The following EPB41L4B variants were observed in gnomAD, a reference collection of about 807,000 sequenced individuals.
The protein encoded by EPB41L4B is band 4.1-like protein 4B.
EPB41L4B carries 30 observed loss-of-function variants against 112.5 expected under a neutral mutation model. The observed-to-expected ratio is 0.27, with a 90% CI of 0.20 to 0.36. EPB41L4B has a LOEUF of 0.36. EPB41L4B is among the 10% of genes least tolerant of loss of function. EPB41L4B has a pLI of 1.00. For synonymous variants in EPB41L4B, 408 were observed against 439.7 expected (o/e 0.93, Z 0.90); for missense variants, 1,024 against 1,133.3 (o/e 0.90, Z 1.38).
chr9:109,268,470 C>A, intron 2 of EPB41L4B, 37 bp from the exon 3 acceptor site: 1 of 1,587,224 alleles, frequency 6.3e-7, no homozygotes, highest in Non-Finnish European at 8.6e-7. Flanking sequence ...AGGAATAGTT[C>A]ATCAGCAAGG....
chr9:109,311,533 C>T (rs1014417446), intron 1 of EPB41L4B, among the ~76,000 whole-genome samples: 5 of 152,230 alleles, frequency 3.3e-5, no homozygotes, highest in Non-Finnish European at 5.9e-5. Flanking sequence ...GGGATATCAT[C>T]TTCCAGTTCT....
chr9:109,284,202 T>C (rs1359873438), intron 1 of EPB41L4B, among the ~76,000 whole-genome samples: 3 of 152,328 alleles, frequency 2.0e-5, no homozygotes, highest in East Asian at 3.9e-4. Flanking sequence ...TATTGTATGA[T>C]AAAGTATTGA....
chr9:109,313,911 T>G (rs1486984611), intron 1 of EPB41L4B, among the ~76,000 whole-genome samples: 1 of 152,254 alleles, frequency 6.6e-6, no homozygotes, highest in South Asian at 2.1e-4. Context: ...AAAGCACAGA[T>G]GAATGCGCAC....
rs144325998 is a variant in EPB41L4B, at chr9:109,256,451, G to A, written c.782C>T (p.Ser261Phe). 1 of 1,614,198 alleles carries A rather than the reference G, an allele frequency of 6.2e-7. No individual in the cohort carries two copies. The highest frequency in any genetic ancestry group is 2.2e-5 in the East Asian group (1 of 44,882). The part of the protein sequence containing the change: ...RGKSPAQAEL[S>F]YLNKAKWLEM... ...CAGCCACTTCGCTTTATTCAGATAG[G>A]AGAGTTCCGCCTGGGCAGGGCTCTT... is the stretch of plus-strand genomic sequence containing the variant. Residue 261 changes from serine to phenylalanine, a missense_variant, in exon 8 of 26, where the codon TCC (serine) becomes TTC (phenylalanine). Transcript: ENST00000374566.
chr9:109,256,555 TA>T, intron 7 of EPB41L4B, 75 bp from the exon 8 acceptor site: 1 of 1,226,174 alleles, frequency 8.2e-7, no homozygotes, highest in Non-Finnish European at 1.2e-6. Flanking sequence ...ACGGCCTTAC[TA>T]TGGAACGTTA....
rs975697722 is a variant in EPB41L4B, at chr9:109,267,648, T to C, written c.455-97A>G. On this transcript the variant is annotated intron_variant, in intron 3 of 25. Transcript: ENST00000374566. ...GAAAGCACGTTAAATCTATAACATT[T>C]AGCACAACATCAGGACAGCATAACT... is the stretch of plus-strand genomic sequence containing the variant. The C allele has an allele frequency of 5.0e-6, 4 of 794,510 alleles. No individual in the cohort carries two copies. The Admixed American group carries it at 5.8e-5, about 12-fold the overall frequency. The allele number at this position is 794,510 out of a possible 1,614,324, so 49.2% of individuals were successfully genotyped here. A position where few individuals can be genotyped will look rare whatever the true frequency, so the allele number is the denominator to read the frequency against.
At position 109,174,488 on chromosome 9, in the gene EPB41L4B, C is replaced by T. The variant is rs1444765219; in HGVS notation, c.*66G>A. The T allele has an allele frequency of 1.4e-6, 2 of 1,470,888 alleles. No individual in the cohort carries two copies. Among genetic ancestry groups the T allele is most frequent in the African/African-American group, 2.8e-5 (2 of 72,054 alleles). The allele number at this position is 1,470,888 out of a possible 1,614,324, so 91.1% of individuals were successfully genotyped here. A position where few individuals can be genotyped will look rare whatever the true frequency, so the allele number is the denominator to read the frequency against. ...TGTATGCTGTGCTAGAGTGAGCACA[C>T]AAAGCCCGAAGAAAGAAGACGGACA... On this transcript the variant is annotated 3_prime_UTR_variant, in exon 26 of 26. Coordinates refer to ENST00000374566, the MANE Select transcript of EPB41L4B (RefSeq NM_019114.5).
At chr9:109,241,039 GCTT>G (rs1490007101) in intron 15 of EPB41L4B, 5 of 985,008 alleles carry the variant, frequency 5.1e-6, no homozygotes, top group African/African-American at 3.5e-5. Flanking sequence ...ACTTTATTTA[GCTT>G]CTGAAAGGAG....
At chr9:109,301,490 T>C (rs1013730819) in intron 1 of EPB41L4B, among the ~76,000 whole-genome samples, 1 of 152,162 alleles carries the variant, frequency 6.6e-6, no homozygotes, top group Non-Finnish European at 1.5e-5. Flanking sequence ...AGAAAGTTCC[T>C]GGGAGTCCCC....
rs368290034 is a variant in EPB41L4B, at chr9:109,212,105, G to A, written c.1752+1595C>T. 1.7e-4 allele frequency among the ~76,000 whole-genome samples: 26 copies of A among 152,228 alleles called. No individual in the cohort carries two copies. In the East Asian group the frequency reaches 1.7e-3, roughly 10 times the overall value. ...GATAACCCACAGGTGTCTCAGGTAG[G>A]CCTTCACCCAGAGCAAACTGCTGTT... On this transcript the variant is annotated intron_variant, in intron 17 of 25. Coordinates refer to ENST00000374566, the MANE Select transcript of EPB41L4B (RefSeq NM_019114.5).
chr9:109,201,758 G>C (rs776106760), intron 19 of EPB41L4B, among the ~76,000 whole-genome samples: 3 of 152,144 alleles, frequency 2.0e-5, no homozygotes, highest in African/African-American at 4.8e-5. Flanking sequence ...ATCCGGTGAG[G>C]TCTCAGTGGA....
intron 1 of EPB41L4B, among the ~76,000 whole-genome samples, chr9:109,301,879 G>A (rs1836982558): frequency 6.6e-6 from 1 of 152,184 alleles, no homozygotes; most frequent in South Asian, 2.1e-4. Context: ...CCCCAGCGTG[G>A]GAGACTGAGC....
intron 23 of EPB41L4B, among the ~76,000 whole-genome samples, chr9:109,183,016 G>A (rs1041444329): frequency 6.6e-6 from 1 of 152,222 alleles, no homozygotes; most frequent in African/African-American, 2.4e-5. Flanking sequence ...CCTCAGCAGG[G>A]ATGACAGCCT....
intron 6 of EPB41L4B, 35 bp downstream of exon 6, chr9:109,263,015 A>G: frequency 6.8e-7 from 1 of 1,466,148 alleles, no homozygotes; most frequent in Non-Finnish European, 9.4e-7. Flanking sequence ...AAGCAATAAC[A>G]TTAAAATGCT....
Position 109,320,170 on chromosome 9 carries a change from C to G in EPB41L4B, c.277G>C (p.Asp93His). The part of the protein sequence containing the change: ...ATLYCRVFLL[D>H]GTEVSVDLPK... The stretch of plus-strand genomic sequence containing the variant: ...AGGTCCACGCTCACTTCGGTCCCGT[C>G]GAGCAGGAAGACGCGGCAGTAGAGG... The change falls in exon 1 of 26, where the codon GAC becomes CAC. Residue 93 changes from aspartate to histidine, a missense_variant. Coordinates refer to ENST00000374566, the MANE Select transcript of EPB41L4B (RefSeq NM_019114.5). The G allele has an allele frequency of 1.3e-6, 2 of 1,483,296 alleles. No individual in the cohort carries two copies. Among genetic ancestry groups the G allele is most frequent in the Non-Finnish European group, 1.8e-6 (2 of 1,114,078 alleles). The allele number at this position is 1,483,296 out of a possible 1,614,324, so 91.9% of individuals were successfully genotyped here.
intron 15 of EPB41L4B, among the ~76,000 whole-genome samples, chr9:109,231,993 T>C (rs1218383568): frequency 2.0e-5 from 3 of 151,968 alleles, no homozygotes; most frequent in East Asian, 1.9e-4. Context: ...CTTTCCATTC[T>C]GGGTTTCTTT....
intron 11 of EPB41L4B, 58 bp from the exon 12 acceptor site, chr9:109,253,608 G>T: frequency 9.1e-7 from 1 of 1,097,720 alleles, no homozygotes; most frequent in Non-Finnish European, 1.4e-6. Context: ...TACATTACCT[G>T]TTTTTGAAAG....
At chr9:109,289,248 C>T (rs764204277) in intron 1 of EPB41L4B, among the ~76,000 whole-genome samples, 97 of 152,292 alleles carry the variant, frequency 6.4e-4, no homozygotes, top group Non-Finnish European at 1.9e-4. Flanking sequence ...AACTACAAAG[C>T]GTGTTGTTCT....
chr9:109,226,251 GAGAC>G (rs1833755132), intron 15 of EPB41L4B, among the ~76,000 whole-genome samples: 1 of 152,132 alleles, frequency 6.6e-6, no homozygotes, highest in Non-Finnish European at 1.5e-5. Context: ...GTGAATACAG[GAGAC>G]AAGTCAGGGT....
Sources: gnomAD v4.1 joint callset for allele counts (sites outside exome capture counted in the v4.1 genomes callset) on GRCh38, gnomAD v4.1.1 for gene constraint, MANE v1.5 for transcripts, NCBI Gene and HGNC (gene_info 2026-07-23, HGNC 2026-07-21) for gene names.